Variants in RIMS2 observed in about 807,000 individuals in gnomAD.
RIMS2 encodes regulating synaptic membrane exocytosis 2.
Under a neutral mutation model 174.4 loss-of-function variants are expected in RIMS2, and 59 were observed. The ratio of observed to expected loss-of-function variants is 0.34; its 90% CI spans 0.27 to 0.42. RIMS2 has a LOEUF of 0.42. Ranked by LOEUF, RIMS2 falls within the 10% of genes least tolerant of loss-of-function variation. RIMS2 has a pLI of 1.00. For missense variants in RIMS2, 1,620 were observed against 1,666.3 expected (o/e 0.97, Z 0.48); for synonymous variants, 606 against 572.5 (o/e 1.06, Z -0.84).
At chr8:104,060,606 T>A (rs1347937596) in intron 19 of RIMS2, among the ~76,000 whole-genome samples, 1 of 151,844 alleles carries the variant, frequency 6.6e-6, no homozygotes, top group Non-Finnish European at 1.5e-5. Flanking sequence ...TCTTGCCTTC[T>A]GCTAGCTTTT....
intron 19 of RIMS2, among the ~76,000 whole-genome samples, chr8:104,036,431 A>G (rs1378768810): frequency 6.6e-6 from 1 of 151,630 alleles, no homozygotes; most frequent in East Asian, 2.0e-4. Context: ...GATTACAGGC[A>G]TGAGCCACAC....
chr8:103,927,849 G>A (rs1224099469), exon 11 of RIMS2: 3 of 1,607,418 alleles, frequency 1.9e-6, no homozygotes, highest in Non-Finnish European at 2.6e-6. Context: ...CAGAGCCAAA[G>A]CCTTAGTAGA....
rs138938978 is a variant in RIMS2, at chr8:103,760,490, G to A, written c.388-5737G>A. ...TCTACTTTCAAAATCCACCATGGCAGTGCTGGGTGAGGGCTTGTAGTTTAG... is the reference window on the plus strand; with the variant it reads ...TCTACTTTCAAAATCCACCATGGCAATGCTGGGTGAGGGCTTGTAGTTTAG... On this transcript the variant is annotated intron_variant, in intron 2 of 23. Transcript: ENST00000504942. 1.4e-3 allele frequency among the ~76,000 whole-genome samples: 206 copies of A among 152,356 alleles called. 1 individual carries two copies. The highest frequency in any genetic ancestry group is 4.6e-3 in the African/African-American group (193 of 41,582).
chr8:103,636,798 C>CA (rs2096091374), intron 1 of RIMS2, among the ~76,000 whole-genome samples: 4 of 58,844 alleles, frequency 6.8e-5, no homozygotes, highest in Admixed American at 3.2e-4. Flanking sequence ...ACCCCCCCCC[C>CA]CCCACACACA....
rs144779470 is a variant in RIMS2 at position 104,057,306 on chromosome 8, A to G, written c.3334+42691A>G. Among the ~76,000 whole-genome samples, 409 of 152,000 alleles carry G rather than the reference A, an allele frequency of 2.7e-3. 3 individuals carry two copies. The highest frequency in any genetic ancestry group is 0.012 in the South Asian group (59 of 4,824). ...TATTTGCAAACTCCTGGGCTCAAGC[A>G]GTCCTCCCGCCTCAGCCTCTCAAAG... On this transcript the variant is annotated intron_variant, in intron 19 of 23. Coordinates refer to ENST00000504942, the Ensembl canonical transcript of RIMS2.
intron 2 of RIMS2, among the ~76,000 whole-genome samples, chr8:103,741,296 T>C (rs2097759528): frequency 1.3e-5 from 2 of 152,214 alleles, no homozygotes; most frequent in East Asian, 1.9e-4. Flanking sequence ...CCTTCGTTTT[T>C]ATAGATGCAA....
intron 3 of RIMS2, among the ~76,000 whole-genome samples, chr8:103,873,253 C>T (rs2099121073): frequency 6.6e-6 from 1 of 151,988 alleles, no homozygotes; most frequent in African/African-American, 2.4e-5. Flanking sequence ...TTTGTTTTTC[C>T]TCTTTCTCTT....
intron 19 of RIMS2, among the ~76,000 whole-genome samples, chr8:104,239,178 C>A (rs1467290893): frequency 1.3e-5 from 2 of 152,150 alleles, no homozygotes; most frequent in Non-Finnish European, 2.9e-5. Flanking sequence ...CAGAAAGGAT[C>A]TTTTGGTTTT....
chr8:104,096,969 A>C (rs1327413638), intron 19 of RIMS2, among the ~76,000 whole-genome samples: 1 of 152,210 alleles, frequency 6.6e-6, no homozygotes, highest in Non-Finnish European at 1.5e-5. Flanking sequence ...TTCTTAGAAT[A>C]AATCTCAGTC....
chr8:103,808,356 C>G (rs1226722381), intron 3 of RIMS2, among the ~76,000 whole-genome samples: 1 of 152,148 alleles, frequency 6.6e-6, no homozygotes, highest in African/African-American at 2.4e-5. Context: ...TGGAACTTAG[C>G]TCCTCAATGC....
chr8:103,662,676 ATCTATC>A (rs2096617098), intron 1 of RIMS2, among the ~76,000 whole-genome samples: 1 of 40,482 alleles, frequency 2.5e-5, no homozygotes, highest in Non-Finnish European at 5.5e-5. Context: ...AGAAGAGTCT[ATCTATC>A]TATCTATCTA....
Position 103,973,809 on chromosome 8 carries a change from A to G in RIMS2, c.2771-1541A>G, listed in dbSNP as rs572578044. 4.6e-5 allele frequency among the ~76,000 whole-genome samples: 7 copies of G among 152,320 alleles called. No homozygotes were observed. The South Asian group carries it at 1.5e-3, about 32-fold the overall frequency. On this transcript the variant is annotated intron_variant, in intron 15 of 23. Transcript: ENST00000504942. ...CAATTATTTGGAAGTTGTAGTGGAC[A>G]CTGTTGATGTTCCACCCATATCCTC... is the stretch of plus-strand genomic sequence containing the variant.
At chr8:103,636,233 C>T (rs956013574) in intron 1 of RIMS2, among the ~76,000 whole-genome samples, 4 of 152,122 alleles carry the variant, frequency 2.6e-5, no homozygotes, top group Admixed American at 1.3e-4. Flanking sequence ...GTGGGGCCTG[C>T]GGGCTGTTGC....
At chr8:104,237,513 A>G (rs2099264808) in intron 19 of RIMS2, among the ~76,000 whole-genome samples, 1 of 152,290 alleles carries the variant, frequency 6.6e-6, no homozygotes, top group East Asian at 1.9e-4. Flanking sequence ...AACAAGTCAC[A>G]TGACCACACC....
intron 3 of RIMS2, among the ~76,000 whole-genome samples, chr8:103,850,467 T>C (rs940211267): frequency 1.3e-5 from 2 of 152,012 alleles, no homozygotes; most frequent in Non-Finnish European, 2.9e-5. Flanking sequence ...TGGAGTCCTG[T>C]TACAGAGGCT....
exon 22 of RIMS2, chr8:104,249,578 G>A: frequency 6.3e-7 from 1 of 1,576,920 alleles, no homozygotes; most frequent in Non-Finnish European, 8.7e-7. Context: ...CAGGTTCCAA[G>A]ACACTGCCAG....
chr8:103,579,132 A>G (rs905347993), intron 1 of RIMS2, among the ~76,000 whole-genome samples: 6 of 152,126 alleles, frequency 3.9e-5, no homozygotes, highest in Admixed American at 3.9e-4. Flanking sequence ...GCCAGGCACA[A>G]TGGTATGTGC....
intron 1 of RIMS2, among the ~76,000 whole-genome samples, chr8:103,672,679 C>T (rs1423256308): frequency 6.6e-6 from 1 of 152,070 alleles, no homozygotes; most frequent in African/African-American, 2.4e-5. Flanking sequence ...ACACTTTATA[C>T]TAGGCCTCAC....
intron 2 of RIMS2, among the ~76,000 whole-genome samples, chr8:103,712,995 C>T (rs2097325948): frequency 6.7e-6 from 1 of 149,852 alleles, no homozygotes; most frequent in Admixed American, 6.7e-5. Context: ...TTTTTCTTTT[C>T]CTTCCTTCCT....
Sources: allele counts gnomAD v4.1 joint callset (sites outside exome capture counted in the v4.1 genomes callset), GRCh38; gene constraint gnomAD v4.1.1; transcripts MANE v1.5; gene names NCBI Gene and HGNC (gene_info 2026-07-23, HGNC 2026-07-21).